UNC5D: variants seen among roughly 807,000 people sequenced by gnomAD.
UNC5D encodes netrin receptor UNC5D.
A neutral mutation model predicts 105.4 loss-of-function variants in UNC5D; 39 were observed. That is an observed-to-expected ratio of 0.37 (90% CI 0.29 to 0.48). UNC5D has a LOEUF of 0.48. Among genes scored for constraint, UNC5D ranks in the 20% least tolerant of loss-of-function variants. The pLI is 0.98. For synonymous variants in UNC5D, 452 were observed against 450.4 expected, an observed-to-expected ratio of 1.00 and a Z score of -0.04; for missense variants, 991 against 1,202.4, an observed-to-expected ratio of 0.82 and a Z score of 2.60.
At chr8:35,369,601 G>T (rs1177814832) in intron 1 of UNC5D, among the ~76,000 whole-genome samples, 1 of 152,124 alleles carries the variant, frequency 6.6e-6, no homozygotes, top group Non-Finnish European at 1.5e-5. Flanking sequence ...ACTTAGTCTA[G>T]TTGGCCATGT....
At chr8:35,286,914 G>A (rs1185042507) in intron 1 of UNC5D, among the ~76,000 whole-genome samples, 3 of 152,186 alleles carry the variant, frequency 2.0e-5, no homozygotes, top group Non-Finnish European at 4.4e-5. Context: ...AAGACAACTT[G>A]CAACTCTACC....
intron 16 of UNC5D, among the ~76,000 whole-genome samples, chr8:35,777,656 C>T (rs1043363843): frequency 1.3e-5 from 2 of 152,130 alleles, no homozygotes; most frequent in African/African-American, 4.8e-5. Flanking sequence ...GATGCTGTAA[C>T]AGGAAAGCAG....
At chr8:35,270,607 C>T (rs1182766288) in intron 1 of UNC5D, among the ~76,000 whole-genome samples, 2 of 152,120 alleles carry the variant, frequency 1.3e-5, no homozygotes, top group East Asian at 1.9e-4. Context: ...GTGTCATTAT[C>T]GTTATAGTCA....
At chr8:35,589,583 C>G (rs1314190963) in intron 3 of UNC5D, among the ~76,000 whole-genome samples, 2 of 151,974 alleles carry the variant, frequency 1.3e-5, no homozygotes, top group Non-Finnish European at 2.9e-5. Flanking sequence ...TCATCAGGGT[C>G]AATTATAGAA....
intron 1 of UNC5D, among the ~76,000 whole-genome samples, chr8:35,287,193 G>A (rs551841190): frequency 6.6e-6 from 1 of 152,084 alleles, no homozygotes. Context: ...AAATGCACAG[G>A]CATAAGGACA....
intron 1 of UNC5D, among the ~76,000 whole-genome samples, chr8:35,405,012 T>C (rs897260024): frequency 2.6e-5 from 4 of 152,244 alleles, no homozygotes; most frequent in African/African-American, 9.6e-5. Context: ...AAAATGAGTT[T>C]TAGAGCTACC....
At chr8:35,390,918 A>G (rs1016513422) in intron 1 of UNC5D, among the ~76,000 whole-genome samples, 6 of 152,246 alleles carry the variant, frequency 3.9e-5, no homozygotes, top group African/African-American at 1.2e-4. Flanking sequence ...TAAATTCCAC[A>G]TGCAGAAAAG....
intron 1 of UNC5D, among the ~76,000 whole-genome samples, chr8:35,329,670 A>G (rs891011382): frequency 6.6e-6 from 1 of 152,130 alleles, no homozygotes; most frequent in Non-Finnish European, 1.5e-5. Flanking sequence ...AAAAAAATTA[A>G]GAAAAAATGA....
chr8:35,372,790 A>G (rs1307361565), intron 1 of UNC5D, among the ~76,000 whole-genome samples: 2 of 151,982 alleles, frequency 1.3e-5, no homozygotes, highest in Non-Finnish European at 2.9e-5. Context: ...CACTTTAGAG[A>G]TGGAGTCTCA....
In UNC5D at chr8:35,483,734, AC is replaced by A. The variant is rs894144262; in HGVS notation, c.104-65554del. 1.6e-4 allele frequency among the ~76,000 whole-genome samples: 25 copies of A among 152,028 alleles called. 1 individual carries two copies. The highest frequency in any genetic ancestry group is 2.9e-4 in the Non-Finnish European group (20 of 67,988). On this transcript the variant is annotated intron_variant, in intron 1 of 16. Coordinates refer to ENST00000404895, the MANE Select transcript of UNC5D (RefSeq NM_080872.4). ...GGAATTGAAGGGCTTTTTTCTACCC[AC>A]CCCTAATCTCCATGGGGCCGAGAGG...
chr8:35,520,765 T>C (rs1813409815), intron 1 of UNC5D, among the ~76,000 whole-genome samples: 1 of 152,128 alleles, frequency 6.6e-6, no homozygotes, highest in African/African-American at 2.4e-5. Context: ...GTGGTGGTCA[T>C]TACCATTAAG....
rs5890804 is a variant in UNC5D, at chr8:35,283,801, T to TAAA, written c.103+47925_103+47927dup. 1.4e-3 allele frequency among the ~76,000 whole-genome samples: 206 copies of TAAA among 146,640 alleles called. 3 individuals are homozygous for TAAA. Among genetic ancestry groups the TAAA allele is most frequent in the Middle Eastern group, 3.5e-3 (1 of 282 alleles). ...CCTAGTGACAGAGTGAGACTCCGAATAAAAAAAAAAAAATGCTCATACCCA... is the reference window on the plus strand; with the variant it reads ...CCTAGTGACAGAGTGAGACTCCGAATAAAAAAAAAAAAAAAATGCTCATACCCA... On this transcript the variant is annotated intron_variant, in intron 1 of 16. Coordinates refer to ENST00000404895, the MANE Select transcript of UNC5D (RefSeq NM_080872.4).
At chr8:35,384,289 T>G (rs1396890153) in intron 1 of UNC5D, among the ~76,000 whole-genome samples, 1 of 152,064 alleles carries the variant, frequency 6.6e-6, no homozygotes, top group African/African-American at 2.4e-5. Context: ...TAAAATTAAC[T>G]CTGTTTCCCA....
Position 35,553,312 on chromosome 8 carries a change from C to G in UNC5D, c.322+3802C>G, listed in dbSNP as rs562445264. On this transcript the variant is annotated intron_variant, in intron 2 of 16. Transcript: ENST00000404895. ...GTCATGTGGATAGCGTTTTTTATTA[C>G]ATTCTCTACCTCCATGTAGAAATCT... 7.3e-5 allele frequency among the ~76,000 whole-genome samples: 11 copies of G among 151,592 alleles called. 1 individual carries two copies. The highest frequency in any genetic ancestry group is 5.9e-4 in the Admixed American group (9 of 15,216).
chr8:35,518,842 T>G (rs528646401), intron 1 of UNC5D, among the ~76,000 whole-genome samples: 10 of 150,354 alleles, frequency 6.7e-5, no homozygotes, highest in South Asian at 2.1e-4. Flanking sequence ...AGGGCTAAAT[T>G]TAACTCATCT....
intron 1 of UNC5D, among the ~76,000 whole-genome samples, chr8:35,498,898 T>C (rs6990960): frequency 0.17 from 25,839 of 152,168 alleles, 2,943 homozygotes; most frequent in African/African-American, 0.29. Flanking sequence ...TTAGATCCTG[T>C]TCCTCAACAT....
chr8:35,416,042 A>C (rs1805510351), intron 1 of UNC5D, among the ~76,000 whole-genome samples: 1 of 152,072 alleles, frequency 6.6e-6, no homozygotes, highest in African/African-American at 2.4e-5. Flanking sequence ...AAGGGTCATA[A>C]TTTGATTCTT....
chr8:35,617,828 G>A (rs1262282131), intron 4 of UNC5D, among the ~76,000 whole-genome samples: 1 of 152,220 alleles, frequency 6.6e-6, no homozygotes, highest in Non-Finnish European at 1.5e-5. Flanking sequence ...AAATATAACT[G>A]AGTCTCTCTT....
At chr8:35,250,275 C>CTTGT (rs975727250) in intron 1 of UNC5D, among the ~76,000 whole-genome samples, 4 of 152,080 alleles carry the variant, frequency 2.6e-5, no homozygotes, top group African/African-American at 9.6e-5. Context: ...TTGTTGTTTG[C>CTTGT]TTGTTTGTTT....
Sources: gnomAD v4.1 joint callset for allele counts (sites outside exome capture counted in the v4.1 genomes callset) on GRCh38, gnomAD v4.1.1 for gene constraint, MANE v1.5 for transcripts, NCBI Gene and HGNC (gene_info 2026-07-23, HGNC 2026-07-21) for gene names.